ETV6: variants seen among roughly 807,000 people sequenced by gnomAD.
ETV6 encodes transcription factor ETV6.
ETV6 carries 16 observed loss-of-function variants against 51.1 expected under a neutral mutation model. That is an observed-to-expected ratio of 0.31 (90% CI 0.21 to 0.48). The LOEUF (loss-of-function observed/expected upper bound fraction) is 0.48. Among genes scored for constraint, ETV6 ranks in the 20% least tolerant of loss-of-function variants. The pLI, the probability that ETV6 is intolerant of heterozygous loss-of-function variation, is 0.99. For synonymous variants in ETV6, 240 were observed against 224.1 expected (o/e 1.07, Z -0.64); for missense variants, 458 against 594.8 (o/e 0.77, Z 2.39).
chr12:11,861,756 AG>A (rs1946721817), intron 4 of ETV6, among the ~76,000 whole-genome samples: 1 of 152,174 alleles, frequency 6.6e-6, no homozygotes, highest in Admixed American at 6.5e-5. Flanking sequence ...CCCTCAGTTA[AG>A]GGGTCATCTT....
At chr12:11,742,267 T>C (rs957284862) in intron 1 of ETV6, among the ~76,000 whole-genome samples, 6 of 152,216 alleles carry the variant, frequency 3.9e-5, no homozygotes, top group Non-Finnish European at 8.8e-5. Flanking sequence ...CTGGTGGCAT[T>C]TGCAGGGTAG....
Position 11,832,067 on chromosome 12 carries a change from T to C in ETV6, c.164-7073T>C, listed in dbSNP as rs140792881. On this transcript the variant is annotated intron_variant, in intron 2 of 7. Transcript: ENST00000396373. ...AAAAGCAACTTAATGAAAAGAAACATATAAAGGAGAGTTTCTGAGCTCTAG... is the reference window on the plus strand; with the variant it reads ...AAAAGCAACTTAATGAAAAGAAACACATAAAGGAGAGTTTCTGAGCTCTAG... Among the ~76,000 whole-genome samples, 141 of 152,256 alleles carry C rather than the reference T, an allele frequency of 9.3e-4. 1 individual carries two copies. The highest frequency in any genetic ancestry group is 3.3e-3 in the African/African-American group (137 of 41,546).
chr12:11,864,978 G>A (rs534301186), intron 4 of ETV6, among the ~76,000 whole-genome samples: 28 of 152,242 alleles, frequency 1.8e-4, no homozygotes, highest in Middle Eastern at 3.4e-3. Context: ...CAGGCTGGGC[G>A]CGGTGGCTCA....
intron 2 of ETV6, among the ~76,000 whole-genome samples, chr12:11,836,818 C>T (rs1355343796): frequency 6.6e-6 from 1 of 152,116 alleles, no homozygotes; most frequent in Non-Finnish European, 1.5e-5. Flanking sequence ...TTCCAATAAG[C>T]CACCCTGTAC....
intron 1 of ETV6, among the ~76,000 whole-genome samples, chr12:11,740,309 C>T (rs1275912989): frequency 6.6e-6 from 1 of 152,172 alleles, no homozygotes; most frequent in African/African-American, 2.4e-5. Flanking sequence ...CTATAAGCTC[C>T]AAGTGATTTT....
chr12:11,808,195 C>T (rs190217690), intron 2 of ETV6, among the ~76,000 whole-genome samples: 7 of 152,316 alleles, frequency 4.6e-5, no homozygotes, highest in South Asian at 2.1e-4. Flanking sequence ...GTGTGACAGA[C>T]GCAAGGGCAG....
At chr12:11,766,770 G>A (rs768567331) in intron 2 of ETV6, among the ~76,000 whole-genome samples, 4 of 152,132 alleles carry the variant, frequency 2.6e-5, no homozygotes, top group Non-Finnish European at 5.9e-5. Flanking sequence ...TGGGGTGGGG[G>A]CGGGCAGTCA....
intron 2 of ETV6, among the ~76,000 whole-genome samples, chr12:11,802,959 A>G (rs1214423873): frequency 1.3e-5 from 2 of 152,232 alleles, no homozygotes; most frequent in Non-Finnish European, 2.9e-5. Flanking sequence ...CTTGTCTTCA[A>G]TCTATTTCAT....
intron 1 of ETV6, among the ~76,000 whole-genome samples, chr12:11,717,314 A>G (rs982866584): frequency 3.3e-5 from 5 of 152,178 alleles, no homozygotes; most frequent in South Asian, 2.1e-4. Context: ...TTCATCACCT[A>G]TTAGGATGCG....
At chr12:11,790,434 T>C (rs771657819) in intron 2 of ETV6, among the ~76,000 whole-genome samples, 8 of 152,086 alleles carry the variant, frequency 5.3e-5, no homozygotes, top group Non-Finnish European at 7.4e-5. Flanking sequence ...CACATTTCCT[T>C]GGGATGCCAT....
Position 11,853,529 on chromosome 12 carries a change from C to A in ETV6, c.431C>A (p.Pro144Gln). 1 of 1,614,192 alleles carries A rather than the reference C, an allele frequency of 6.2e-7. No homozygotes were observed. Among genetic ancestry groups the A allele is most frequent in the Non-Finnish European group, 8.5e-7 (1 of 1,180,046 alleles). The part of the protein sequence containing the change: ...FHPGNSIHTQ[P>Q]EVILHQNHEE... ...CCTGGAAACTCTATACACACACAGC[C>A]GGAGGTCATACTGCATCAGAACCAT... The change falls in exon 4 of 8, where the codon CCG becomes CAG. Residue 144 changes from proline (P) to glutamine (Q), a missense_variant. This residue lies in a region of ETV6 where 293 missense variants were observed against 315.7 expected (regional missense o/e 0.93). Transcript: ENST00000396373.
intron 1 of ETV6, among the ~76,000 whole-genome samples, chr12:11,741,119 C>A (rs1865799494): frequency 6.6e-6 from 1 of 152,122 alleles, no homozygotes. Flanking sequence ...GAGTTCAAGG[C>A]ATTTCTTCAG....
At chr12:11,887,497 C>A (rs1369014930) in intron 7 of ETV6, among the ~76,000 whole-genome samples, 1 of 152,044 alleles carries the variant, frequency 6.6e-6, no homozygotes, top group Non-Finnish European at 1.5e-5. Context: ...CACCTGTAAT[C>A]CCAGCACTTT....
At chr12:11,664,383 G>A (rs1311608690) in intron 1 of ETV6, among the ~76,000 whole-genome samples, 1 of 152,030 alleles carries the variant, frequency 6.6e-6, no homozygotes, top group African/African-American at 2.4e-5. Flanking sequence ...ATGTTGATGA[G>A]TGGGATTAGT....
Position 11,754,063 on chromosome 12 carries a change from T to C in ETV6, c.163+1484T>C, listed in dbSNP as rs190447694. The stretch of plus-strand genomic sequence containing the variant: ...TGGAAAAGAAACAGCAGCCAAGTGA[T>C]AGGAAATTTTCCTCCAGAAGTCATC... On this transcript the variant is annotated intron_variant, in intron 2 of 7. Transcript: ENST00000396373. 4.3e-4 allele frequency among the ~76,000 whole-genome samples: 65 copies of C among 152,336 alleles called. No homozygotes were observed. In the Middle Eastern group the frequency reaches 0.01, roughly 24 times the overall value.
At chr12:11,798,975 A>G (rs541034208) in intron 2 of ETV6, among the ~76,000 whole-genome samples, 1 of 152,348 alleles carries the variant, frequency 6.6e-6, no homozygotes, top group South Asian at 2.1e-4. Context: ...CTGCCAAAAC[A>G]AATGTATGTG....
chr12:11,747,786 G>GTA (rs1865935504), intron 1 of ETV6, among the ~76,000 whole-genome samples: 1 of 152,134 alleles, frequency 6.6e-6, no homozygotes, highest in Admixed American at 6.5e-5. Context: ...AAATTTCAGC[G>GTA]TATTCAATTT....
intron 3 of ETV6, among the ~76,000 whole-genome samples, chr12:11,852,104 T>C (rs964786879): frequency 1.3e-5 from 2 of 152,192 alleles, no homozygotes; most frequent in African/African-American, 4.8e-5. Context: ...GCCTGTGATA[T>C]TGTAAAGATT....
chr12:11,700,826 A>AG (rs1864966439), intron 1 of ETV6, among the ~76,000 whole-genome samples: 1 of 152,134 alleles, frequency 6.6e-6, no homozygotes, highest in South Asian at 2.1e-4. Context: ...GAGGAAAGGC[A>AG]GGCCACTCAG....
Sources: gnomAD v4.1 joint callset for allele counts (sites outside exome capture counted in the v4.1 genomes callset) on GRCh38, gnomAD v4.1.1 for gene constraint, gnomAD v4.1.1 regional missense constraint, MANE v1.5 for transcripts, NCBI Gene and HGNC (gene_info 2026-07-23, HGNC 2026-07-21) for gene names.